The following ATRNL1 variants were observed in gnomAD, a reference collection of about 807,000 sequenced individuals.
ATRNL1 encodes attractin like 1.
In ATRNL1, 95 loss-of-function variants were observed where a neutral mutation model predicts 182.7. That is an observed-to-expected ratio of 0.52 (90% CI 0.44 to 0.62). ATRNL1 has a LOEUF of 0.62. Among genes scored for constraint, ATRNL1 ranks in the 20% least tolerant of loss-of-function variants. The pLI, the probability that ATRNL1 is intolerant of heterozygous loss-of-function variation, is 0.00. For synonymous variants in ATRNL1, 576 were observed against 568.3 expected (o/e 1.01, Z -0.19); for missense variants, 1,471 against 1,679.5 (o/e 0.88, Z 2.17).
intron 9 of ATRNL1, among the ~76,000 whole-genome samples, chr10:115,234,694 G>A (rs1350036713): frequency 2.0e-5 from 3 of 150,538 alleles, no homozygotes; most frequent in Non-Finnish European, 3.0e-5. Flanking sequence ...AGGTTCAAGC[G>A]ATCCTCTCAC....
intron 1 of ATRNL1, among the ~76,000 whole-genome samples, 158 bp downstream of exon 1, chr10:115,094,201 C>A (rs1040805782): frequency 7.2e-5 from 11 of 151,730 alleles, no homozygotes; most frequent in African/African-American, 2.4e-4. Context: ...AGAGTGGGGC[C>A]CGCGCCGCGC....
intron 8 of ATRNL1, among the ~76,000 whole-genome samples, chr10:115,212,755 C>T (rs1307472961): frequency 6.6e-6 from 1 of 151,938 alleles, no homozygotes; most frequent in African/African-American, 2.4e-5. Flanking sequence ...GAACAGAAAA[C>T]CAAATACTGC....
intron 19 of ATRNL1, among the ~76,000 whole-genome samples, chr10:115,346,156 C>T (rs1855965049): frequency 6.6e-6 from 1 of 152,130 alleles, no homozygotes; most frequent in African/African-American, 2.4e-5. Context: ...AGTTTAGTGG[C>T]ATTAAGGACA....
chr10:115,684,217 T>A (rs1473060998), intron 26 of ATRNL1, among the ~76,000 whole-genome samples: 3 of 151,344 alleles, frequency 2.0e-5, no homozygotes, highest in Non-Finnish European at 4.4e-5. Context: ...TTTGTTAATT[T>A]TTTTTAGTAT....
chr10:115,922,008 G>A (rs1555118838), intron 28 of ATRNL1, among the ~76,000 whole-genome samples: 1 of 152,134 alleles, frequency 6.6e-6, no homozygotes, highest in African/African-American at 2.4e-5. Context: ...CCAGTTGTAG[G>A]GTGAAGGATA....
intron 21 of ATRNL1, among the ~76,000 whole-genome samples, chr10:115,429,726 T>G (rs1480714676): frequency 1.3e-5 from 2 of 152,288 alleles, no homozygotes; most frequent in East Asian, 3.9e-4. Flanking sequence ...GATCTCTTTT[T>G]TGAATGTTAT....
intron 26 of ATRNL1, among the ~76,000 whole-genome samples, chr10:115,640,859 TGAATGGTATTGCCTAG>T (rs556250380): frequency 6.7e-4 from 102 of 152,316 alleles, no homozygotes; most frequent in Middle Eastern, 6.8e-3. Flanking sequence ...GCCTATGTCC[TGAATGGTATTGCCTAG>T]GTTTTCTTCT....
Position 115,948,821 on chromosome 10 carries a change from TAAGA to T in ATRNL1, c.*4044_*4047del, listed in dbSNP as rs1953930650. ...TAGTTTTATCAAAATTTTTTGAAAT[TAAGA>T]ATTAGAACCAGAGCTCCTATCAGTA... On this transcript the variant is annotated 3_prime_UTR_variant, in exon 29 of 29. Transcript: ENST00000355044. The T allele has an allele frequency of 6.6e-6, 1 of 152,220 alleles. No individual in the cohort carries two copies. The highest frequency in any genetic ancestry group is 2.4e-5 in the African/African-American group (1 of 41,468). The allele number at this position is 152,220 out of a possible 1,614,324, so 9.4% of individuals were successfully genotyped here. A position where few individuals can be genotyped will look rare whatever the true frequency, so the allele number is the denominator to read the frequency against.
intron 18 of ATRNL1, among the ~76,000 whole-genome samples, chr10:115,330,953 T>C (rs1855186381): frequency 6.6e-6 from 1 of 152,156 alleles, no homozygotes; most frequent in South Asian, 2.1e-4. Context: ...AACCTCTGTG[T>C]TTTTCTCATT....
At chr10:115,648,881 G>T (rs773608253) in intron 26 of ATRNL1, among the ~76,000 whole-genome samples, 3 of 152,120 alleles carry the variant, frequency 2.0e-5, no homozygotes, top group Non-Finnish European at 4.4e-5. Context: ...CCATTTTGTG[G>T]TAGAACATTT....
chr10:115,765,931 C>T (rs1204537687), intron 27 of ATRNL1, among the ~76,000 whole-genome samples: 2 of 152,010 alleles, frequency 1.3e-5, no homozygotes, highest in Non-Finnish European at 2.9e-5. Context: ...GCAAACAATG[C>T]GACAGTGAAT....
intron 27 of ATRNL1, among the ~76,000 whole-genome samples, chr10:115,796,185 C>T (rs1555082899): frequency 6.6e-6 from 1 of 151,924 alleles, no homozygotes; most frequent in Non-Finnish European, 1.5e-5. Flanking sequence ...ATGCCGTCAT[C>T]ACCCTGCTTG....
At chr10:115,621,851 T>A (rs1218979775) in intron 26 of ATRNL1, among the ~76,000 whole-genome samples, 1 of 152,172 alleles carries the variant, frequency 6.6e-6, no homozygotes, top group African/African-American at 2.4e-5. Flanking sequence ...GTGTTAAAAA[T>A]GCAAAAAGTC....
intron 21 of ATRNL1, among the ~76,000 whole-genome samples, chr10:115,433,081 T>G (rs1204419437): frequency 6.6e-6 from 1 of 152,088 alleles, no homozygotes; most frequent in African/African-American, 2.4e-5. Context: ...TTTTATTTCA[T>G]CTTTTACTCT....
At chr10:115,865,002 G>T (rs1281349969) in intron 28 of ATRNL1, among the ~76,000 whole-genome samples, 2 of 148,218 alleles carry the variant, frequency 1.3e-5, no homozygotes, top group Non-Finnish European at 3.0e-5. Context: ...AAAAAGAAAA[G>T]ACCAGACAAA....
At chr10:115,856,432 A>T (rs1951185888) in intron 28 of ATRNL1, among the ~76,000 whole-genome samples, 1 of 139,516 alleles carries the variant, frequency 7.2e-6, no homozygotes, top group South Asian at 2.3e-4. Context: ...CCATCTCAAA[A>T]AAAAAAAAAA....
chr10:115,525,693 T>C (rs1162385735), intron 25 of ATRNL1, among the ~76,000 whole-genome samples: 1 of 152,178 alleles, frequency 6.6e-6, no homozygotes, highest in African/African-American at 2.4e-5. Flanking sequence ...ATTTCACTTG[T>C]ACTGGACATT....
chr10:115,339,397 G>T (rs1554937647), intron 19 of ATRNL1, among the ~76,000 whole-genome samples: 1 of 151,916 alleles, frequency 6.6e-6, no homozygotes, highest in East Asian at 1.9e-4. Flanking sequence ...TTTAATTAGT[G>T]TTTTATAGTT....
At chr10:115,136,719 T>G (rs1436507346) in intron 5 of ATRNL1, among the ~76,000 whole-genome samples, 1 of 152,232 alleles carries the variant, frequency 6.6e-6, no homozygotes, top group Non-Finnish European at 1.5e-5. Flanking sequence ...ATTGGCCTTT[T>G]TGACTTGACA....
Sources: allele counts gnomAD v4.1 joint callset (sites outside exome capture counted in the v4.1 genomes callset), GRCh38; gene constraint gnomAD v4.1.1; transcripts MANE v1.5; gene names NCBI Gene and HGNC (gene_info 2026-07-23, HGNC 2026-07-21).